SPATA31G1: variants seen among roughly 807,000 people sequenced by gnomAD.
SPATA31G1 encodes SPATA31 subfamily G member 1.
chr9:35,044,942 G>A, the SPATA31G1 span: 4 of 1,614,176 alleles, frequency 2.5e-6, no homozygotes, highest in Non-Finnish European at 3.4e-6. Flanking sequence ...CTGTCCCAGA[G>A]TTGCTCACCC....
the SPATA31G1 span, chr9:35,043,101 A>C: frequency 1.9e-6 from 3 of 1,614,204 alleles, no homozygotes; most frequent in Admixed American, 3.3e-5. Flanking sequence ...GCAAACAGTC[A>C]TGCAGCCCGT....
chr9:35,042,677 T>G, the SPATA31G1 span: 1 of 1,159,250 alleles, frequency 8.6e-7, no homozygotes, highest in Non-Finnish European at 1.2e-6. Context: ...AATACTGATC[T>G]CCAAATGAGG....
the SPATA31G1 span, chr9:35,045,182 G>A: frequency 1.2e-6 from 2 of 1,614,004 alleles, no homozygotes; most frequent in Non-Finnish European, 1.7e-6. Context: ...AAGAAGTTCA[G>A]CGCACAGTAC....
the SPATA31G1 span, chr9:35,045,286 G>A: frequency 2.5e-5 from 41 of 1,613,982 alleles, no homozygotes; most frequent in Admixed American, 3.3e-5. Flanking sequence ...GGGTCTCAGA[G>A]AGGGGAGAAA....
chr9:35,041,114 G>C, the SPATA31G1 span: 1 of 454,706 alleles, frequency 2.2e-6, no homozygotes, highest in African/African-American at 2.0e-5. Context: ...CAAAGGCAGA[G>C]AACAAAGGAA....
At chr9:35,045,243 C>G in the SPATA31G1 span, 5 of 1,614,022 alleles carry the variant, frequency 3.1e-6, no homozygotes, top group East Asian at 1.1e-4. Context: ...CTCTTCCCAG[C>G]TTCAGCCACA....
At chr9:35,043,743 G>A in the SPATA31G1 span, 19 of 1,614,072 alleles carry the variant, frequency 1.2e-5, no homozygotes, top group African/African-American at 6.7e-5. Context: ...CTGGGGAACC[G>A]TGGGATACAG....
chr9:35,042,691 G>A, the SPATA31G1 span: 108 of 1,157,168 alleles, frequency 9.3e-5, 2 homozygotes, highest in South Asian at 1.4e-3. Context: ...AATGAGGACT[G>A]GGTAATGACC....
chr9:35,045,445 C>T, the SPATA31G1 span: 1 of 1,614,122 alleles, frequency 6.2e-7, no homozygotes, highest in East Asian at 2.2e-5. Flanking sequence ...GCTTCAGCCT[C>T]ATCCTCAGCC....
the SPATA31G1 span, chr9:35,041,905 G>A: frequency 5.2e-6 from 1 of 190,622 alleles, no homozygotes; most frequent in Non-Finnish European, 1.1e-5. Context: ...ATAAAATAAA[G>A]ATAATGATAT....
At chr9:35,042,292 G>C in the SPATA31G1 span, 2 of 1,614,218 alleles carry the variant, frequency 1.2e-6, no homozygotes, top group East Asian at 2.2e-5. Context: ...GGGGCTAAGG[G>C]GGATATGGGG....
chr9:35,042,865 T>A, the SPATA31G1 span: 1 of 1,611,098 alleles, frequency 6.2e-7, no homozygotes, highest in Non-Finnish European at 8.5e-7. Flanking sequence ...TCCCAGGAAC[T>A]ACCACTTCTG....
chr9:35,043,549 A>G, the SPATA31G1 span: 1 of 1,614,008 alleles, frequency 6.2e-7, no homozygotes, highest in Non-Finnish European at 8.5e-7. Flanking sequence ...GCACCCACAC[A>G]GTCCCCTGGA....
chr9:35,042,933 G>T, the SPATA31G1 span: 1 of 1,614,192 alleles, frequency 6.2e-7, no homozygotes, highest in Middle Eastern at 1.6e-4. Flanking sequence ...GGAGGAAGAA[G>T]GGGAAGAAGA....
chr9:35,044,612 C>T, the SPATA31G1 span: 10 of 1,614,106 alleles, frequency 6.2e-6, 1 homozygote, highest in Admixed American at 3.3e-5. Context: ...GTGAGCCTAT[C>T]GCAGACCAAA....
At chr9:35,044,441 T>C in the SPATA31G1 span, 2 of 1,613,998 alleles carry the variant, frequency 1.2e-6, no homozygotes, top group Non-Finnish European at 1.7e-6. Flanking sequence ...AGCACCCAGC[T>C]TGTAACTTAC....
At chr9:35,044,682 C>A in the SPATA31G1 span, 1 of 1,614,170 alleles carries the variant, frequency 6.2e-7, no homozygotes, top group Non-Finnish European at 8.5e-7. Flanking sequence ...GGCCACTGAG[C>A]TCCCAGCCCC....
At chr9:35,042,214 C>T in the SPATA31G1 span, 2 of 1,598,986 alleles carry the variant, frequency 1.3e-6, no homozygotes, top group Non-Finnish European at 1.7e-6. Flanking sequence ...TTCTGTGATG[C>T]AATGATGACC....
At chr9:35,045,559 C>A in the SPATA31G1 span, 1 of 1,614,214 alleles carries the variant, frequency 6.2e-7, no homozygotes, top group South Asian at 1.1e-5. Context: ...CCTGCCCAGG[C>A]CAGAAGCCTA....
Sources: gnomAD v4.1 joint callset for allele counts on GRCh38, gnomAD v4.1.1 for gene constraint, MANE v1.5 for transcripts, NCBI Gene and HGNC (gene_info 2026-07-23, HGNC 2026-07-21) for gene names.